Variants in INSYN2B observed in about 807,000 individuals in gnomAD.
INSYN2B encodes inhibitory synaptic factor family member 2B.
Under a neutral mutation model 41.2 loss-of-function variants are expected in INSYN2B, and 16 were observed. The ratio of observed to expected loss-of-function variants is 0.39; its 90% CI spans 0.26 to 0.59. INSYN2B has a LOEUF of 0.59. INSYN2B is among the 20% of genes least tolerant of loss of function. INSYN2B has a pLI of 0.57. For synonymous variants in INSYN2B, 245 were observed against 244.4 expected, an observed-to-expected ratio of 1.00 and a Z score of -0.02; for missense variants, 608 against 646.4, an observed-to-expected ratio of 0.94 and a Z score of 0.64.
intron 1 of INSYN2B, among the ~76,000 whole-genome samples, chr5:169,923,482 G>GGCGC (rs111621936): frequency 7.1e-4 from 70 of 98,014 alleles, no homozygotes; most frequent in African/African-American, 3.0e-3. Context: ...CATGCACGTG[G>GGCGC]GCACACACAC....
At chr5:169,907,282 T>G (rs1774336074) in intron 1 of INSYN2B, among the ~76,000 whole-genome samples, 1 of 152,214 alleles carries the variant, frequency 6.6e-6, no homozygotes, top group African/African-American at 2.4e-5. Flanking sequence ...CCAAGTCAGA[T>G]GAACACGCCC....
At chr5:169,927,619 A>C (rs1216063814) in intron 1 of INSYN2B, among the ~76,000 whole-genome samples, 2 of 152,210 alleles carry the variant, frequency 1.3e-5, no homozygotes, top group Non-Finnish European at 2.9e-5. Flanking sequence ...ACATATAGGA[A>C]AAATTCTTGT....
chr5:169,900,957 G>T (rs1159790384), intron 1 of INSYN2B, among the ~76,000 whole-genome samples: 1 of 152,102 alleles, frequency 6.6e-6, no homozygotes, highest in African/African-American at 2.4e-5. Flanking sequence ...AACAGCCAAG[G>T]TCCTGTCTAT....
At chr5:169,881,166 G>A (rs1171781568) in intron 3 of INSYN2B, among the ~76,000 whole-genome samples, 1 of 152,176 alleles carries the variant, frequency 6.6e-6, no homozygotes, top group Non-Finnish European at 1.5e-5. Flanking sequence ...GCCTAGGGAT[G>A]ATTACATCAA....
At chr5:169,953,332 C>CA (rs576183648) in intron 1 of INSYN2B, among the ~76,000 whole-genome samples, 53,871 of 123,224 alleles carry the variant, frequency 0.44, 10,708 homozygotes, top group South Asian at 0.6. Flanking sequence ...GACTCTATCT[C>CA]AAAAAAAAAA....
chr5:169,935,005 G>C, intron 1 of INSYN2B: 1 of 261,428 alleles, frequency 3.8e-6, no homozygotes, highest in Non-Finnish European at 7.6e-6. Flanking sequence ...CATACTGACT[G>C]CAGCCATCTA....
intron 1 of INSYN2B, among the ~76,000 whole-genome samples, chr5:169,918,180 A>G (rs1330405723): frequency 2.0e-5 from 3 of 152,234 alleles, no homozygotes; most frequent in African/African-American, 4.8e-5. Flanking sequence ...TTAAAAATAC[A>G]GAAACCACAT....
intron 3 of INSYN2B, among the ~76,000 whole-genome samples, chr5:169,877,496 A>G (rs1197662128): frequency 6.6e-6 from 1 of 152,186 alleles, no homozygotes; most frequent in Non-Finnish European, 1.5e-5. Context: ...AGGGATTGTG[A>G]TATCTTTATG....
At chr5:169,890,791 AC>A (rs1469847339) in intron 1 of INSYN2B, among the ~76,000 whole-genome samples, 1 of 152,048 alleles carries the variant, frequency 6.6e-6, no homozygotes, top group Admixed American at 6.6e-5. Flanking sequence ...ACCATGTTTG[AC>A]TTTTTTGCAC....
At chr5:169,968,838 G>A (rs911569099) in intron 1 of INSYN2B, among the ~76,000 whole-genome samples, 1 of 152,200 alleles carries the variant, frequency 6.6e-6, no homozygotes, top group Non-Finnish European at 1.5e-5. Context: ...GGCACAGGGA[G>A]AATAGAGAAG....
intron 1 of INSYN2B, among the ~76,000 whole-genome samples, chr5:169,946,565 T>C (rs549352733): frequency 1.3e-4 from 19 of 149,298 alleles, no homozygotes; most frequent in Admixed American, 4.0e-4. Context: ...ACTCATCCAT[T>C]CATTCATTCA....
At chr5:169,899,251 G>A (rs559172297) in intron 1 of INSYN2B, among the ~76,000 whole-genome samples, 7 of 152,258 alleles carry the variant, frequency 4.6e-5, no homozygotes, top group African/African-American at 7.2e-5. Context: ...CCTTCAGCAC[G>A]CCCAGACAGT....
chr5:169,975,972 A>G lies in INSYN2B; in HGVS notation c.-919+4305T>C, dbSNP rs1403961934. ...TTGCTAGAATATAATTTAAGATGGG[A>G]TGTGTTCAGAGGTAGAACAAAACTT... On this transcript the variant is annotated intron_variant, in intron 1 of 3. Coordinates refer to ENST00000377365, the MANE Select transcript of INSYN2B (RefSeq NM_001129891.3). Among the ~76,000 whole-genome samples the G allele has an allele frequency of 5.3e-5, 8 of 152,222 alleles. No individual in the cohort carries two copies. The South Asian group carries it at 1.7e-3, about 32-fold the overall frequency.
chr5:169,874,154 T>A (rs1471308417), intron 3 of INSYN2B, among the ~76,000 whole-genome samples: 1 of 152,176 alleles, frequency 6.6e-6, no homozygotes, highest in Non-Finnish European at 1.5e-5. Flanking sequence ...GGCTCATGCC[T>A]GTAATCCCAA....
At chr5:169,893,928 T>C (rs1407334765) in intron 1 of INSYN2B, among the ~76,000 whole-genome samples, 2 of 152,324 alleles carry the variant, frequency 1.3e-5, no homozygotes, top group East Asian at 3.9e-4. Context: ...CTGTTTACAC[T>C]TGACAATCTC....
At position 169,894,569 on chromosome 5, in the gene INSYN2B, G is replaced by T. The variant is rs577493746; in HGVS notation, c.-918-9753C>A. 6.2e-3 allele frequency among the ~76,000 whole-genome samples: 948 copies of T among 152,282 alleles called. 3 individuals carry two copies. The highest frequency in any genetic ancestry group is 9.8e-3 in the East Asian group (51 of 5,180). ...TTTTCACAAGGGGAAGAGAAGGGGG[G>T]AAGTTTATGGTCTGATCTAATCACA... On this transcript the variant is annotated intron_variant, in intron 1 of 3. Transcript: ENST00000377365.
intron 1 of INSYN2B, among the ~76,000 whole-genome samples, chr5:169,918,070 C>T (rs1013102836): frequency 1.3e-5 from 2 of 152,166 alleles, no homozygotes; most frequent in African/African-American, 4.8e-5. Context: ...ATATTCTACC[C>T]TTCCTATTTT....
At chr5:169,889,935 G>A in intron 1 of INSYN2B, among the ~76,000 whole-genome samples, 1 of 152,302 alleles carries the variant, frequency 6.6e-6, no homozygotes. Flanking sequence ...ACATTGCCGT[G>A]TCCCTTCTCT....
intron 1 of INSYN2B, among the ~76,000 whole-genome samples, chr5:169,934,118 G>A (rs1279921398): frequency 6.6e-6 from 1 of 152,210 alleles, no homozygotes; most frequent in African/African-American, 2.4e-5. Context: ...CTGTGGGGTT[G>A]AGAACTGCTG....
Sources: gnomAD v4.1 joint callset for allele counts (sites outside exome capture counted in the v4.1 genomes callset) on GRCh38, gnomAD v4.1.1 for gene constraint, MANE v1.5 for transcripts, NCBI Gene and HGNC (gene_info 2026-07-23, HGNC 2026-07-21) for gene names.